The following ABCA13 variants were observed in gnomAD, a reference collection of about 807,000 sequenced individuals.
The protein encoded by ABCA13 is ATP-binding cassette sub-family A member 13.
Under a neutral mutation model 478.7 loss-of-function variants are expected in ABCA13, and 476 were observed. The ratio of observed to expected loss-of-function variants is 0.99; its 90% CI spans 0.92 to 1.07. The LOEUF (loss-of-function observed/expected upper bound fraction) is 1.07. Among genes scored for constraint, ABCA13 ranks in the 50% least tolerant of loss-of-function variants. The probability of loss-of-function intolerance (pLI) is 0.00; values close to 1 mark genes in which losing one functional copy is unlikely to be tolerated. For missense variants in ABCA13, 6,060 were observed against 5,910.6 expected, an observed-to-expected ratio of 1.03 and a Z score of -0.83; for synonymous variants, 2,252 against 2,158.9, an observed-to-expected ratio of 1.04 and a Z score of -1.20.
At chr7:48,430,637 G>A (rs1474672135) in intron 42 of ABCA13, among the ~76,000 whole-genome samples, 3 of 139,298 alleles carry the variant, frequency 2.2e-5, no homozygotes, top group Admixed American at 7.7e-5. Flanking sequence ...TTGTGCCACT[G>A]TACTCTACCC....
At chr7:48,181,017 C>A (rs2128870172) in intron 1 of ABCA13, among the ~76,000 whole-genome samples, 1 of 152,198 alleles carries the variant, frequency 6.6e-6, no homozygotes, top group South Asian at 2.1e-4. Context: ...ATGGCTAAGC[C>A]CAAAGGGAAC....
intron 44 of ABCA13, among the ~76,000 whole-genome samples, chr7:48,470,500 T>C (rs910570280): frequency 6.6e-6 from 1 of 152,234 alleles, no homozygotes; most frequent in African/African-American, 2.4e-5. Context: ...TCTGATTAAA[T>C]ACGTAACTCT....
intron 42 of ABCA13, among the ~76,000 whole-genome samples, chr7:48,436,000 C>A (rs1394955074): frequency 6.8e-6 from 1 of 148,002 alleles, no homozygotes; most frequent in Non-Finnish European, 1.5e-5. Flanking sequence ...GTTCCTTTGG[C>A]TTCATAACTC....
intron 27 of ABCA13, among the ~76,000 whole-genome samples, chr7:48,328,733 T>A (rs1281929829): frequency 2.6e-5 from 4 of 151,300 alleles, no homozygotes; most frequent in Non-Finnish European, 5.9e-5. Context: ...AACATATAGT[T>A]CAAAAAATAA....
In ABCA13 at chr7:48,455,093, G is replaced by A; in HGVS notation, c.12622G>A (p.Val4208Met). The A allele has an allele frequency of 6.5e-7, 1 of 1,550,066 alleles. No individual in the cohort carries two copies. Among genetic ancestry groups the A allele is most frequent in the Non-Finnish European group, 8.7e-7 (1 of 1,147,924 alleles). Residue 4208 changes from valine (V) to methionine (M), a missense_variant, in exon 43 of 62, where the codon GTG (valine) becomes ATG (methionine). Val to Met is a conservative substitution (Grantham distance 21). Around this residue, in one of 3 missense-constraint regions of ABCA13, gnomAD observed 1,627 missense variants for 1,571.0 expected, o/e 1.04. Transcript: ENST00000435803. ...GGGCGTCCAGCTGCTCCGCGCACAA[G>A]TGGCCGCGATCCTGGCCCGGAGGCT... is the stretch of plus-strand genomic sequence containing the variant. Reference protein sequence around the residue: ...VQGVQLLRAQVAAILARRLRR... With the variant: ...VQGVQLLRAQMAAILARRLRR...
intron 41 of ABCA13, among the ~76,000 whole-genome samples, chr7:48,415,222 C>T (rs977292684): frequency 6.6e-6 from 1 of 152,200 alleles, no homozygotes; most frequent in Non-Finnish European, 1.5e-5. Flanking sequence ...GAGCTGTCAG[C>T]TGGCATGAGT....
At chr7:48,554,952 A>G (rs1247407999) in intron 55 of ABCA13, among the ~76,000 whole-genome samples, 3 of 151,658 alleles carry the variant, frequency 2.0e-5, no homozygotes, top group Non-Finnish European at 3.0e-5. Context: ...GTTTTCCCTC[A>G]TTCAGTGTGA....
At chr7:48,470,914 A>G (rs1248317044) in intron 44 of ABCA13, among the ~76,000 whole-genome samples, 1 of 152,214 alleles carries the variant, frequency 6.6e-6, no homozygotes, top group Non-Finnish European at 1.5e-5. Flanking sequence ...AGTAATTATC[A>G]TTACTGAAAC....
At chr7:48,443,177 T>C (rs1482405488) in intron 42 of ABCA13, among the ~76,000 whole-genome samples, 1 of 152,160 alleles carries the variant, frequency 6.6e-6, no homozygotes, top group Non-Finnish European at 1.5e-5. Flanking sequence ...TTCTTGGTGC[T>C]GACAACTGTG....
chr7:48,476,857 A>G (rs1203823125), intron 45 of ABCA13, among the ~76,000 whole-genome samples: 1 of 152,194 alleles, frequency 6.6e-6, no homozygotes. Flanking sequence ...GAAAGGAAAG[A>G]GAAAGAAAAC....
rs1563221127 is a variant in ABCA13, at chr7:48,417,357, A to T, written c.12459+4774A>T. Reference sequence around the variant, plus strand: ...TTCTAGTCACATTTAGGATTTCCTAACTGGCCTGCTGCCCCATATCTTCTT... The same window carrying T: ...TTCTAGTCACATTTAGGATTTCCTATCTGGCCTGCTGCCCCATATCTTCTT... On this transcript the variant is annotated intron_variant, in intron 41 of 61. Coordinates refer to ENST00000435803, the MANE Select transcript of ABCA13 (RefSeq NM_152701.5). Among the ~76,000 whole-genome samples the T allele has an allele frequency of 2.0e-5, 3 of 152,208 alleles. No individual in the cohort carries two copies. In the East Asian group the frequency reaches 5.8e-4, roughly 29 times the overall value.
chr7:48,323,809 C>T (rs952355501), intron 27 of ABCA13, among the ~76,000 whole-genome samples: 21 of 152,278 alleles, frequency 1.4e-4, no homozygotes, highest in Admixed American at 5.2e-4. Context: ...AAGGGCAGGG[C>T]CAGGTGGAGA....
At chr7:48,333,920 C>G (rs567577132) in intron 27 of ABCA13, among the ~76,000 whole-genome samples, 50 of 152,304 alleles carry the variant, frequency 3.3e-4, no homozygotes, top group Admixed American at 3.0e-3. Context: ...TGTGGTTCCT[C>G]TACCCTCAGG....
At chr7:48,562,261 C>G (rs1786546205) in intron 55 of ABCA13, among the ~76,000 whole-genome samples, 1 of 151,806 alleles carries the variant, frequency 6.6e-6, no homozygotes, top group Admixed American at 6.6e-5. Context: ...ATTAAGACAC[C>G]TTCTAATGTT....
intron 55 of ABCA13, among the ~76,000 whole-genome samples, chr7:48,552,315 G>C (rs574762695): frequency 6.6e-6 from 1 of 151,780 alleles, no homozygotes; most frequent in Non-Finnish European, 1.5e-5. Flanking sequence ...ATGTTTTGCT[G>C]AATCTTAGAG....
intron 27 of ABCA13, among the ~76,000 whole-genome samples, chr7:48,321,449 T>A (rs1484513914): frequency 3.3e-5 from 5 of 151,996 alleles, no homozygotes. Flanking sequence ...GGCTGTGGGA[T>A]GATGGAGGAG....
At chr7:48,404,609 C>T (rs916316816) in intron 39 of ABCA13, 1 of 152,216 alleles carries the variant, frequency 6.6e-6, no homozygotes, top group African/African-American at 2.4e-5. Flanking sequence ...TCTGACTTAA[C>T]CTAAAGTCTC....
At chr7:48,335,386 A>T (rs779386976) in intron 27 of ABCA13, 36 bp from the exon 28 acceptor site, 14 of 1,456,410 alleles carry the variant, frequency 9.6e-6, no homozygotes, top group Non-Finnish European at 1.3e-5. Flanking sequence ...ATAACAGCTG[A>T]ATAAGAGACA....
At chr7:48,206,258 T>C (rs889268719) in intron 3 of ABCA13, among the ~76,000 whole-genome samples, 1 of 152,238 alleles carries the variant, frequency 6.6e-6, no homozygotes, top group East Asian at 1.9e-4. Flanking sequence ...AGGGGTCACA[T>C]AGAATTATAA....
Sources: allele counts gnomAD v4.1 joint callset (sites outside exome capture counted in the v4.1 genomes callset), GRCh38; gene constraint gnomAD v4.1.1; regional missense constraint gnomAD v4.1.1; transcripts MANE v1.5; gene names NCBI Gene and HGNC (gene_info 2026-07-23, HGNC 2026-07-21).